PLSCR2: variants seen among roughly 807,000 people sequenced by gnomAD.
PLSCR2 encodes the protein phospholipid scramblase 2, also known as PL scramblase 2.
A neutral mutation model predicts 25.3 loss-of-function variants in PLSCR2; 18 were observed. The ratio of observed to expected loss-of-function variants is 0.71; its 90% CI spans 0.49 to 1.06. The LOEUF is 1.06. Among genes scored for constraint, PLSCR2 ranks in the 50% least tolerant of loss-of-function variants. The probability of loss-of-function intolerance (pLI) is 0.00; values close to 1 mark genes in which losing one functional copy is unlikely to be tolerated. For synonymous variants in PLSCR2, 88 were observed against 87.3 expected (o/e 1.01, Z -0.04); for missense variants, 243 against 269.5 (o/e 0.90, Z 0.69).
At chr3:146,419,136 A>G (rs1305224034) in intron 2 of PLSCR2, among the ~76,000 whole-genome samples, 2 of 151,978 alleles carry the variant, frequency 1.3e-5, no homozygotes, top group Non-Finnish European at 2.9e-5. Flanking sequence ...TTTATCTCCC[A>G]CATTGTGCTA....
At chr3:146,414,894 C>T (rs1265418316) in intron 2 of PLSCR2, among the ~76,000 whole-genome samples, 2 of 152,170 alleles carry the variant, frequency 1.3e-5, no homozygotes, top group Non-Finnish European at 2.9e-5. Context: ...AAAGGGCAGA[C>T]CAGAATTTTC....
At chr3:146,486,578 G>C (rs2043351555) in intron 1 of PLSCR2, among the ~76,000 whole-genome samples, 1 of 151,730 alleles carries the variant, frequency 6.6e-6, no homozygotes, top group South Asian at 2.1e-4. Flanking sequence ...AGAAGAAATG[G>C]ATAAATTCCT....
In PLSCR2 at chr3:146,394,222, G is replaced by C. The variant is rs920962881; in HGVS notation, c.*145+1538C>G. Among the ~76,000 whole-genome samples, 11 of 151,972 alleles carry C rather than the reference G, an allele frequency of 7.2e-5. No homozygotes were observed. The East Asian group carries it at 2.1e-3, about 29-fold the overall frequency. The stretch of plus-strand genomic sequence containing the variant: ...TTAATTTAGATTTGTCTTTTTAAAA[G>C]AGACTACAGATACTTTAAAAATCCA... On this transcript the variant is annotated intron_variant and NMD_transcript_variant, in intron 3 of 3. Coordinates refer to the PLSCR2 transcript ENST00000463633.
downstream of PLSCR2, among the ~76,000 whole-genome samples, chr3:146,437,104 C>G (rs930880285): frequency 2.0e-5 from 3 of 152,016 alleles, no homozygotes; most frequent in Admixed American, 6.6e-5. Context: ...GTTGAACCAG[C>G]CTTGTATCCC....
chr3:146,492,826 G>T (rs2043599410), intron 1 of PLSCR2, among the ~76,000 whole-genome samples: 1 of 152,046 alleles, frequency 6.6e-6, no homozygotes, highest in Admixed American at 6.5e-5. Context: ...AATATGAGAT[G>T]TGAAAAACCA....
chr3:146,455,314 A>G (rs1265936262), exon 4 of PLSCR2: 3 of 1,613,948 alleles, frequency 1.9e-6, no homozygotes, highest in Admixed American at 3.3e-5. Context: ...CTCGACCCAC[A>G]TTATCAGTAA....
intron 1 of PLSCR2, among the ~76,000 whole-genome samples, chr3:146,489,347 G>T: frequency 6.6e-6 from 1 of 152,010 alleles, no homozygotes; most frequent in East Asian, 1.9e-4. Context: ...ATTAAAAACA[G>T]CTATGTGGGG....
chr3:146,479,674 C>A (rs1164965826), intron 1 of PLSCR2, among the ~76,000 whole-genome samples: 1 of 152,132 alleles, frequency 6.6e-6, no homozygotes, highest in Non-Finnish European at 1.5e-5. Flanking sequence ...TTAGACAGAT[C>A]AATGAGACAG....
At chr3:146,483,449 GTATGTATATA>G (rs2043209926) in intron 1 of PLSCR2, among the ~76,000 whole-genome samples, 1 of 30,596 alleles carries the variant, frequency 3.3e-5, no homozygotes, top group South Asian at 1.3e-3. Context: ...ATATACACAT[GTATGTATATA>G]TATATATATA....
intron 1 of PLSCR2, among the ~76,000 whole-genome samples, chr3:146,483,247 C>T (rs1216316527): frequency 1.3e-4 from 15 of 113,570 alleles, no homozygotes; most frequent in African/African-American, 4.5e-4. Flanking sequence ...ACAGACACTT[C>T]GTAGGTGGGA....
intron 2 of PLSCR2, among the ~76,000 whole-genome samples, chr3:146,396,181 A>G (rs919068871): frequency 1.3e-5 from 2 of 152,152 alleles, no homozygotes; most frequent in African/African-American, 2.4e-5. Flanking sequence ...CACTTAATTC[A>G]TATTATTTGC....
chr3:146,428,568 C>A (rs2039433638), downstream of PLSCR2, among the ~76,000 whole-genome samples: 1 of 152,182 alleles, frequency 6.6e-6, no homozygotes, highest in African/African-American at 2.4e-5. Context: ...TATTGCTTAT[C>A]ATTCTATAGC....
intron 1 of PLSCR2, among the ~76,000 whole-genome samples, chr3:146,474,787 T>A (rs1312510423): frequency 6.6e-6 from 1 of 152,122 alleles, no homozygotes; most frequent in Non-Finnish European, 1.5e-5. Flanking sequence ...CAATCTTAGA[T>A]TCAGTCTTTT....
intron 3 of PLSCR2, among the ~76,000 whole-genome samples, chr3:146,393,808 C>A (rs377414064): frequency 2.0e-3 from 242 of 123,518 alleles, no homozygotes; most frequent in East Asian, 1.9e-3. Flanking sequence ...GACTCCGTCT[C>A]AAAAAAAAAA....
At chr3:146,441,360 CATAAA>C (rs1253333863), downstream of PLSCR2, among the ~76,000 whole-genome samples, 9 of 151,890 alleles carry the variant, frequency 5.9e-5, no homozygotes, top group Non-Finnish European at 1.2e-4. Context: ...TTAATTTTTA[CATAAA>C]ATAAATTATA....
At chr3:146,450,036 A>G (rs2108315466) in intron 5 of PLSCR2, among the ~76,000 whole-genome samples, 1 of 152,120 alleles carries the variant, frequency 6.6e-6, no homozygotes, top group South Asian at 2.1e-4. Flanking sequence ...TATTTTTGTG[A>G]AAAAAAATAA....
chr3:146,493,783 G>GTTTTTTTTTTTT, intron 1 of PLSCR2, among the ~76,000 whole-genome samples: 1 of 54,770 alleles, frequency 1.8e-5, no homozygotes, highest in Non-Finnish European at 3.2e-5. Context: ...CCAAGGTGGC[G>GTTTTTTTTTTTT]TTTTTTTTTT....
chr3:146,409,573 T>A (rs12107218), intron 2 of PLSCR2, among the ~76,000 whole-genome samples: 87,641 of 151,826 alleles, frequency 0.58, 25,712 homozygotes, highest in South Asian at 0.76. Context: ...CAGCTTGAAC[T>A]ATTGTAGGAT....
At chr3:146,443,500 G>A (rs1471552797) in intron 6 of PLSCR2, among the ~76,000 whole-genome samples, 1 of 151,930 alleles carries the variant, frequency 6.6e-6, no homozygotes, top group African/African-American at 2.4e-5. Flanking sequence ...GACAATATGT[G>A]TCTAGAAATT....
Sources: gnomAD v4.1 joint callset for allele counts (sites outside exome capture counted in the v4.1 genomes callset) on GRCh38, gnomAD v4.1.1 for gene constraint, MANE v1.5 for transcripts, NCBI Gene and HGNC (gene_info 2026-07-23, HGNC 2026-07-21) for gene names.